MTAP: variants seen among roughly 807,000 people sequenced by gnomAD.
MTAP encodes S-methyl-5'-thioadenosine phosphorylase.
In MTAP, 33 loss-of-function variants were observed where a neutral mutation model predicts 33.6. That is an observed-to-expected ratio of 0.98 (90% CI 0.74 to 1.31). MTAP has a LOEUF of 1.31. MTAP is among the 40% of genes most tolerant of loss of function. The pLI, the probability that MTAP is intolerant of heterozygous loss-of-function variation, is 0.00. For missense variants in MTAP, 367 were observed against 360.0 expected, an observed-to-expected ratio of 1.02 and a Z score of -0.16; for synonymous variants, 148 against 125.7, an observed-to-expected ratio of 1.18 and a Z score of -1.19.
intron 1 of MTAP, among the ~76,000 whole-genome samples, chr9:21,891,181 C>T (rs902962166): frequency 3.7e-4 from 56 of 152,154 alleles, no homozygotes; most frequent in African/African-American, 1.3e-3. Context: ...CATCAAGCCA[C>T]ACAGATGAAA....
At chr9:21,923,867 AGAT>A (rs1818826387) in intron 1 of MTAP, among the ~76,000 whole-genome samples, 1 of 152,228 alleles carries the variant, frequency 6.6e-6, no homozygotes, top group African/African-American at 2.4e-5. Context: ...AGTCACTATA[AGAT>A]CATGGAGATA....
intron 1 of MTAP, among the ~76,000 whole-genome samples, chr9:21,899,344 G>C (rs1818350216): frequency 1.3e-5 from 2 of 151,246 alleles, no homozygotes; most frequent in African/African-American, 4.9e-5. Context: ...TAACAAACTT[G>C]CACGTTGTGC....
In MTAP at chr9:21,879,907, T is replaced by A. The variant is rs1817978685; in HGVS notation, c.147+25037T>A. On this transcript the variant is annotated intron_variant, in intron 1 of 1. Transcript: ENST00000577563. ...GGATTTCATCTGAGAGGTCCACTGT[T>A]AACCTGATGGGGCTCCTTTTGTAGG... Among the ~76,000 whole-genome samples, 2 of 152,164 alleles carry A rather than the reference T, an allele frequency of 1.3e-5. 1 individual carries two copies. The highest frequency in any genetic ancestry group is 3.9e-4 in the East Asian group (2 of 5,192).
chr9:21,840,470 C>T (rs1341031968), intron 5 of MTAP, among the ~76,000 whole-genome samples: 1 of 152,176 alleles, frequency 6.6e-6, no homozygotes, highest in Non-Finnish European at 1.5e-5. Flanking sequence ...CACATCCCCA[C>T]TGGGGAAATC....
In MTAP at chr9:21,863,960, T is replaced by A; in HGVS notation, c.*1946T>A. On this transcript the variant is annotated 3_prime_UTR_variant, in exon 8 of 8. Transcript: ENST00000644715. Reference sequence around the variant, plus strand: ...TTCAACTCTGGTTATCCATTAGCAATCTGTAGAGAACTTAATGAACCTGAA... The same window carrying A: ...TTCAACTCTGGTTATCCATTAGCAAACTGTAGAGAACTTAATGAACCTGAA... The A allele has an allele frequency of 1.0e-6, 1 of 985,840 alleles. No individual in the cohort carries two copies. Among genetic ancestry groups the A allele is most frequent in the Non-Finnish European group, 1.2e-6 (1 of 829,922 alleles). The allele number at this position is 985,840 out of a possible 1,614,324, so 61.1% of individuals were successfully genotyped here.
At chr9:21,850,089 G>A (rs1587244979) in intron 5 of MTAP, among the ~76,000 whole-genome samples, 1 of 152,190 alleles carries the variant, frequency 6.6e-6, no homozygotes, top group South Asian at 2.1e-4. Context: ...ATATCACAAT[G>A]GTCCATTACA....
rs1213405497 is a variant in MTAP at position 21,865,723 on chromosome 9, C to T, written c.*3709C>T. On this transcript the variant is annotated 3_prime_UTR_variant, in exon 8 of 8. Coordinates refer to ENST00000644715, the MANE Select transcript of MTAP (RefSeq NM_002451.4). Reference sequence around the variant, plus strand: ...GTTTCAGGGCCTGTTGCCAGCTATGCCTTTGAGAACCTCGGGATCCCAAAG... The same window carrying T: ...GTTTCAGGGCCTGTTGCCAGCTATGTCTTTGAGAACCTCGGGATCCCAAAG... 7.7e-6 allele frequency: 8 copies of T among 1,038,402 alleles called. No homozygotes were observed. Among genetic ancestry groups the T allele is most frequent in the Non-Finnish European group, 8.2e-6 (7 of 857,296 alleles). 64.3% of individuals were successfully genotyped at this position (1,038,402 alleles called of 1,614,324 possible).
intron 1 of MTAP, among the ~76,000 whole-genome samples, chr9:21,877,977 T>C (rs1826035080): frequency 6.6e-6 from 1 of 152,142 alleles, no homozygotes; most frequent in African/African-American, 2.4e-5. Context: ...GCTGTGAATC[T>C]GTCTAGACAT....
intron 1 of MTAP, among the ~76,000 whole-genome samples, chr9:21,885,315 A>C (rs1459373031): frequency 6.6e-6 from 1 of 152,108 alleles, no homozygotes; most frequent in Non-Finnish European, 1.5e-5. Flanking sequence ...AATCATGTAT[A>C]CTCCAATATA....
At chr9:21,932,890 C>T (rs982894947), downstream of MTAP, 2 of 152,192 alleles carry the variant, frequency 1.3e-5, no homozygotes, top group African/African-American at 4.8e-5. Flanking sequence ...TTCTACCCTC[C>T]TCTGCCTAAT....
chr9:21,887,032 A>G (rs10965175), intron 1 of MTAP, among the ~76,000 whole-genome samples: 28,459 of 152,106 alleles, frequency 0.19, 3,347 homozygotes, highest in East Asian at 0.35. Context: ...TTTTGGCAGT[A>G]TGGTCATTTT....
intron 1 of MTAP, chr9:21,808,823 G>C (rs939445110): frequency 6.6e-6 from 1 of 152,098 alleles, no homozygotes; most frequent in African/African-American, 2.4e-5. Context: ...TGTTATAGCA[G>C]CAGAAAACAG....
intron 1 of MTAP, among the ~76,000 whole-genome samples, chr9:21,895,322 G>C (rs533639337): frequency 1.3e-5 from 2 of 152,260 alleles, no homozygotes; most frequent in South Asian, 2.1e-4. Context: ...ACTTGTATTA[G>C]TCCATTTTCA....
downstream of MTAP, chr9:21,867,164 T>A (rs1825865490): frequency 6.6e-6 from 1 of 152,212 alleles, no homozygotes. Context: ...AACAACAGTT[T>A]ACCTTTTGTT....
In MTAP at chr9:21,865,684, G is replaced by A. The variant is rs1016216210; in HGVS notation, c.*3670G>A. Reference sequence around the variant, plus strand: ...GAAATCTACCAAGACTAGTAGGGTAGTCCAGAAGAAGCTGTTTCAGGGCCT... The same window carrying A: ...GAAATCTACCAAGACTAGTAGGGTAATCCAGAAGAAGCTGTTTCAGGGCCT... On this transcript the variant is annotated 3_prime_UTR_variant, in exon 8 of 8. Transcript: ENST00000644715. The A allele has an allele frequency of 2.0e-6, 2 of 1,017,764 alleles. No homozygotes were observed. The highest frequency in any genetic ancestry group is 2.4e-6 in the Non-Finnish European group (2 of 846,552). The allele number at this position is 1,017,764 out of a possible 1,614,324, so 63.0% of individuals were successfully genotyped here.
intron 1 of MTAP, among the ~76,000 whole-genome samples, chr9:21,881,531 T>A (rs1563858184): frequency 1.3e-5 from 2 of 152,040 alleles, no homozygotes; most frequent in Admixed American, 6.6e-5. Context: ...AAAAGAACTC[T>A]TGTAATGCCA....
intron 6 of MTAP, among the ~76,000 whole-genome samples, chr9:21,855,764 A>C (rs972299619): frequency 6.6e-6 from 1 of 152,200 alleles, no homozygotes; most frequent in African/African-American, 2.4e-5. Context: ...AATGAATTCC[A>C]GGTACCCATC....
intron 4 of MTAP, among the ~76,000 whole-genome samples, chr9:21,827,758 A>G (rs1824859205): frequency 6.6e-6 from 1 of 152,212 alleles, no homozygotes; most frequent in Non-Finnish European, 1.5e-5. Context: ...ATTTGAATAG[A>G]GAGATAGGCT....
intron 4 of MTAP, among the ~76,000 whole-genome samples, chr9:21,837,659 G>A (rs1003694783): frequency 4.6e-5 from 7 of 152,118 alleles, no homozygotes; most frequent in Admixed American, 6.6e-5. Flanking sequence ...TGGTTACCCC[G>A]TCACGGCTGC....
Sources: gnomAD v4.1 joint callset for allele counts (sites outside exome capture counted in the v4.1 genomes callset) on GRCh38, gnomAD v4.1.1 for gene constraint, MANE v1.5 for transcripts, NCBI Gene and HGNC (gene_info 2026-07-23, HGNC 2026-07-21) for gene names.